The following LEMD1 variants were observed in gnomAD, a reference collection of about 807,000 sequenced individuals.
The protein encoded by LEMD1 is LEM domain-containing protein 1.
In LEMD1, 18 loss-of-function variants were observed where a neutral mutation model predicts 17.4. The ratio of observed to expected loss-of-function variants is 1.04; its 90% CI spans 0.72 to 1.54. The LOEUF is 1.54. Ranked by LOEUF, LEMD1 falls within the 40% of genes most tolerant of loss-of-function variation. The probability of loss-of-function intolerance (pLI) is 0.00; values close to 1 mark genes in which losing one functional copy is unlikely to be tolerated. For missense variants in LEMD1, 195 were observed against 210.4 expected, an observed-to-expected ratio of 0.93 and a Z score of 0.45; for synonymous variants, 88 against 77.8, an observed-to-expected ratio of 1.13 and a Z score of -0.69.
intron 1 of LEMD1, among the ~76,000 whole-genome samples, chr1:205,427,852 C>A (rs1263492235): frequency 6.6e-6 from 1 of 152,228 alleles, no homozygotes. Context: ...TCCAAATTGA[C>A]CTGGCCTTCT....
At chr1:205,388,869 C>T (rs1459184051) in intron 4 of LEMD1, among the ~76,000 whole-genome samples, 1 of 151,764 alleles carries the variant, frequency 6.6e-6, no homozygotes, top group Non-Finnish European at 1.5e-5. Flanking sequence ...TAATTCTGGC[C>T]TACTTAGGTA....
At chr1:205,406,014 C>T (rs562905960) in intron 4 of LEMD1, among the ~76,000 whole-genome samples, 16 of 152,150 alleles carry the variant, frequency 1.1e-4, no homozygotes, top group East Asian at 3.9e-4. Flanking sequence ...TCTGCAGAAC[C>T]GCGGATTTTC....
At chr1:205,437,194 G>T (rs1666224410) in intron 1 of LEMD1, 1 of 152,436 alleles carries the variant, frequency 6.6e-6, no homozygotes, top group Non-Finnish European at 1.5e-5. Context: ...TGATCAGCAT[G>T]GAGATGAGCA....
At chr1:205,442,841 TAG>T (rs1666318912) in intron 1 of LEMD1, among the ~76,000 whole-genome samples, 2 of 152,162 alleles carry the variant, frequency 1.3e-5, no homozygotes, top group Non-Finnish European at 2.9e-5. Context: ...GTGACAAACC[TAG>T]AGAGAGACGG....
At chr1:205,428,791 T>C (rs886267542) in intron 1 of LEMD1, among the ~76,000 whole-genome samples, 1 of 151,858 alleles carries the variant, frequency 6.6e-6, no homozygotes, top group Non-Finnish European at 1.5e-5. Context: ...TGAAAAGAAA[T>C]AGATTTGAGG....
intron 1 of LEMD1, among the ~76,000 whole-genome samples, chr1:205,447,393 C>T (rs148710547): frequency 3.9e-5 from 6 of 152,112 alleles, no homozygotes; most frequent in Non-Finnish European, 8.8e-5. Flanking sequence ...TTATAAGAAA[C>T]TTGCCTTCTG....
chr1:205,411,251 G>A (rs1459022061), intron 4 of LEMD1, among the ~76,000 whole-genome samples: 1 of 149,210 alleles, frequency 6.7e-6, no homozygotes, highest in Non-Finnish European at 1.5e-5. Flanking sequence ...AAGGAAGGAA[G>A]GAAGGAAGGA....
chr1:205,427,501 GAGAGAGAC>G (rs1263576324), intron 1 of LEMD1, among the ~76,000 whole-genome samples: 1 of 151,596 alleles, frequency 6.6e-6, no homozygotes, highest in Non-Finnish European at 1.5e-5. Flanking sequence ...GAGAGAGAGA[GAGAGAGAC>G]AGAGAGAGAG....
chr1:205,383,665 G>T (rs1222510506), intron 5 of LEMD1, among the ~76,000 whole-genome samples: 3 of 134,156 alleles, frequency 2.2e-5, no homozygotes, highest in Non-Finnish European at 4.6e-5. Flanking sequence ...GCAGAGTCTC[G>T]CTCTGTCACC....
At chr1:205,421,424 C>G (rs1292586353) in intron 1 of LEMD1, among the ~76,000 whole-genome samples, 2 of 152,322 alleles carry the variant, frequency 1.3e-5, no homozygotes, top group East Asian at 3.9e-4. Context: ...GCAGTGGAAA[C>G]AACAGCCAGA....
rs1263699866 is a variant in LEMD1 at position 205,419,346 on chromosome 1, G to A, written c.89C>T (p.Thr30Ile). Residue 30 changes from threonine to isoleucine, a missense_variant, in exon 3 of 6, where the codon ACC (threonine) becomes ATC (isoleucine). Transcript: ENST00000367153. ...GFSPGPILPS[T>I]RKLYEKKLVQ... Reference sequence around the variant, plus strand: ...TAACTTTTTTTCATACAACTTTCTGGTGGAAGCTGAGGAAGAATTTGGAGA... The same window carrying A: ...TAACTTTTTTTCATACAACTTTCTGATGGAAGCTGAGGAAGAATTTGGAGA... The A allele has an allele frequency of 1.2e-6, 2 of 1,614,206 alleles. No homozygotes were observed. The highest frequency in any genetic ancestry group is 1.1e-5 in the South Asian group (1 of 91,086).
chr1:205,438,707 G>C (rs1262917446), intron 1 of LEMD1, among the ~76,000 whole-genome samples: 1 of 152,118 alleles, frequency 6.6e-6, no homozygotes, highest in Non-Finnish European at 1.5e-5. Context: ...TGCCGGCTTG[G>C]AGGCAGAGGA....
At chr1:205,397,624 G>A (rs1028120607) in intron 4 of LEMD1, among the ~76,000 whole-genome samples, 2 of 152,144 alleles carry the variant, frequency 1.3e-5, no homozygotes, top group South Asian at 4.1e-4. Context: ...AATCATTCCT[G>A]GACTCATGAA....
Position 205,384,323 on chromosome 1 carries a change from G to A in LEMD1, c.312C>T (p.Thr104=). 1 of 1,523,872 alleles carries A rather than the reference G, an allele frequency of 6.6e-7. No individual in the cohort carries two copies. The highest frequency in any genetic ancestry group is 8.8e-7 in the Non-Finnish European group (1 of 1,136,686). The allele number at this position is 1,523,872 out of a possible 1,614,324, so 94.4% of individuals were successfully genotyped here. A position where few individuals can be genotyped will look rare whatever the true frequency, so the allele number is the denominator to read the frequency against. The change falls in exon 5 of 6, where the codon ACC becomes ACT. Residue 104 remains threonine, a synonymous_variant. Transcript: ENST00000367153. ...TGGAAGGCTTATAATCCAAGCAATA[G>A]GTATCTACAGCTTTGCGTTTAGTGG... ...ASTTKRKAVD[T]YCLDYKPSKG...
chr1:205,387,766 C>T (rs928631157), intron 4 of LEMD1, among the ~76,000 whole-genome samples: 5 of 152,216 alleles, frequency 3.3e-5, no homozygotes, highest in African/African-American at 9.7e-5. Flanking sequence ...TTCCACCACA[C>T]TCCCAAGGCC....
chr1:205,449,550 G>T (rs1666458625), intron 1 of LEMD1, among the ~76,000 whole-genome samples: 1 of 152,138 alleles, frequency 6.6e-6, no homozygotes. Context: ...TCACTGGACA[G>T]GAATCCTGCA....
At chr1:205,435,286 G>C (rs1666188421) in intron 1 of LEMD1, 3 of 152,178 alleles carry the variant, frequency 2.0e-5, no homozygotes, top group African/African-American at 7.2e-5. Flanking sequence ...GACTCTCAGG[G>C]GTCTCTTGCC....
chr1:205,413,669 T>A (rs572146558), intron 4 of LEMD1, among the ~76,000 whole-genome samples: 1 of 149,676 alleles, frequency 6.7e-6, no homozygotes, highest in African/African-American at 2.5e-5. Context: ...TTTTTTTTTT[T>A]GAGAGTCTCC....
At chr1:205,402,527 T>C (rs999378062) in intron 4 of LEMD1, among the ~76,000 whole-genome samples, 13 of 152,202 alleles carry the variant, frequency 8.5e-5, no homozygotes, top group Non-Finnish European at 1.6e-4. Flanking sequence ...TAAGAATGCT[T>C]GTGATTTTTG....
Sources: allele counts gnomAD v4.1 joint callset (sites outside exome capture counted in the v4.1 genomes callset), GRCh38; gene constraint gnomAD v4.1.1; transcripts MANE v1.5; gene names NCBI Gene and HGNC (gene_info 2026-07-23, HGNC 2026-07-21).